The following METTL15 variants were observed in gnomAD, a reference collection of about 807,000 sequenced individuals.
The protein encoded by METTL15 is methyltransferase 15, mitochondrial 12S rRNA N4-cytidine.
In METTL15, 34 loss-of-function variants were observed where a neutral mutation model predicts 38.3. The ratio of observed to expected loss-of-function variants is 0.89; its 90% CI spans 0.68 to 1.18. The LOEUF (loss-of-function observed/expected upper bound fraction) is 1.18. Ranked by LOEUF, METTL15 falls within the 50% of genes most tolerant of loss-of-function variation. The pLI, the probability that METTL15 is intolerant of heterozygous loss-of-function variation, is 0.00. For synonymous variants in METTL15, 162 were observed against 170.9 expected (o/e 0.95, Z 0.41); for missense variants, 438 against 498.4 (o/e 0.88, Z 1.15).
intron 2 of METTL15, 40 bp from the exon 3 acceptor site, chr11:28,113,278 T>TA (rs1234593809): frequency 1.7e-5 from 23 of 1,356,172 alleles, no homozygotes; most frequent in Non-Finnish European, 2.3e-5. Context: ...AACATTCTTT[T>TA]AAAAAAATCC....
chr11:28,418,642 G>T (rs1590367733), intron 5 of METTL15, among the ~76,000 whole-genome samples: 1 of 152,114 alleles, frequency 6.6e-6, no homozygotes, highest in Non-Finnish European at 1.5e-5. Context: ...ACAGTACCTG[G>T]TTTTAGCTTT....
At chr11:28,502,374 A>G (rs997817766) in intron 6 of METTL15, among the ~76,000 whole-genome samples, 3 of 152,190 alleles carry the variant, frequency 2.0e-5, no homozygotes, top group Admixed American at 6.5e-5. Context: ...CCCTTGTAGC[A>G]TGGAAGAAGC....
At chr11:28,504,383 A>G (rs1464489322) in intron 6 of METTL15, among the ~76,000 whole-genome samples, 1 of 152,168 alleles carries the variant, frequency 6.6e-6, no homozygotes, top group Non-Finnish European at 1.5e-5. Context: ...AATTCATTTT[A>G]AGATAATTGT....
intron 4 of METTL15, among the ~76,000 whole-genome samples, chr11:28,249,614 A>T: frequency 6.6e-6 from 1 of 151,938 alleles, no homozygotes; most frequent in South Asian, 2.1e-4. Context: ...ATCACTAAAG[A>T]GTTAATGCTT....
chr11:28,267,688 A>G (rs540932701), intron 4 of METTL15, among the ~76,000 whole-genome samples: 1 of 152,218 alleles, frequency 6.6e-6, no homozygotes, highest in African/African-American at 2.4e-5. Flanking sequence ...TGTCTTCTCT[A>G]CGTATACCAA....
intron 3 of METTL15, among the ~76,000 whole-genome samples, chr11:28,346,757 G>T (rs1051640590): frequency 2.0e-5 from 3 of 151,986 alleles, no homozygotes; most frequent in African/African-American, 7.3e-5. Context: ...TTTATTTAAG[G>T]CATGTATAGT....
intron 3 of METTL15, among the ~76,000 whole-genome samples, chr11:28,351,547 T>C (rs1402267137): frequency 1.3e-5 from 2 of 152,248 alleles, no homozygotes; most frequent in Non-Finnish European, 1.5e-5. Context: ...AATGAGTTAA[T>C]TCATGTGAGA....
chr11:28,529,324 T>G (rs1332012863), downstream of METTL15, among the ~76,000 whole-genome samples: 1 of 152,152 alleles, frequency 6.6e-6, no homozygotes, highest in South Asian at 2.1e-4. Context: ...GGGCAGAAGC[T>G]CTGTCATCTG....
chr11:28,517,546 T>C (rs1206421849), intron 6 of METTL15, among the ~76,000 whole-genome samples: 3 of 152,164 alleles, frequency 2.0e-5, no homozygotes, highest in Non-Finnish European at 2.9e-5. Flanking sequence ...CCTTTAAAAA[T>C]AACAGCTTTC....
intron 4 of METTL15, among the ~76,000 whole-genome samples, chr11:28,221,661 G>A (rs899332816): frequency 6.6e-5 from 10 of 152,120 alleles, no homozygotes; most frequent in African/African-American, 2.2e-4. Flanking sequence ...TTTCTGCTCT[G>A]TTTTTTCCCC....
intron 6 of METTL15, among the ~76,000 whole-genome samples, chr11:28,443,242 C>T (rs1851049635): frequency 6.6e-6 from 1 of 152,164 alleles, no homozygotes; most frequent in Admixed American, 6.5e-5. Context: ...CTGATCATTC[C>T]CTTTGTGATT....
chr11:28,385,552 G>A (rs773269156), intron 5 of METTL15, among the ~76,000 whole-genome samples: 1 of 152,078 alleles, frequency 6.6e-6, no homozygotes, highest in Non-Finnish European at 1.5e-5. Context: ...TAGCCTTGTA[G>A]TATAGTTTCA....
At chr11:28,341,703 T>C (rs916445084) in intron 3 of METTL15, among the ~76,000 whole-genome samples, 1 of 152,214 alleles carries the variant, frequency 6.6e-6, no homozygotes, top group Non-Finnish European at 1.5e-5. Context: ...GTTACCGTTG[T>C]ACTAGTTTGT....
At chr11:28,398,028 G>T (rs1347133822) in intron 5 of METTL15, among the ~76,000 whole-genome samples, 2 of 151,864 alleles carry the variant, frequency 1.3e-5, no homozygotes, top group Non-Finnish European at 2.9e-5. Context: ...TCATAGATGG[G>T]AATTGAACAG....
At chr11:28,512,629 C>T (rs1474645881) in intron 6 of METTL15, among the ~76,000 whole-genome samples, 5 of 152,204 alleles carry the variant, frequency 3.3e-5, no homozygotes, top group Non-Finnish European at 1.5e-5. Flanking sequence ...ACTCTGAGTG[C>T]AGGGCCTGCC....
chr11:28,290,799 A>G (rs1172288780), intron 5 of METTL15, among the ~76,000 whole-genome samples: 1 of 151,734 alleles, frequency 6.6e-6, no homozygotes, highest in African/African-American at 2.4e-5. Context: ...CTCTTTTAGC[A>G]TACAGAAAAA....
chr11:28,496,156 A>T lies in METTL15; in HGVS notation c.*425-30322A>T, dbSNP rs184462446. On this transcript the variant is annotated intron_variant and NMD_transcript_variant, in intron 6 of 7. Transcript: ENST00000532947. ...AGATTGGTTAATTTACAAAAGAAAA[A>T]GGTTTAATGGACTCACAGTTCCACA... Among the ~76,000 whole-genome samples, 15 of 152,382 alleles carry T rather than the reference A, an allele frequency of 9.8e-5. No homozygotes were observed. In the East Asian group the frequency reaches 2.9e-3, roughly 29 times the overall value.
intron 5 of METTL15, among the ~76,000 whole-genome samples, chr11:28,406,937 A>C (rs1206236972): frequency 3.3e-5 from 5 of 152,164 alleles, no homozygotes; most frequent in African/African-American, 1.2e-4. Flanking sequence ...TGTCTATTGA[A>C]ATAATCAGGT....
intron 4 of METTL15, among the ~76,000 whole-genome samples, chr11:28,240,353 G>A (rs910417328): frequency 6.6e-6 from 1 of 152,236 alleles, no homozygotes; most frequent in Admixed American, 6.5e-5. Context: ...AATAATCAAG[G>A]ATTTTAACAT....
Sources: gnomAD v4.1 joint callset for allele counts (sites outside exome capture counted in the v4.1 genomes callset) on GRCh38, gnomAD v4.1.1 for gene constraint, MANE v1.5 for transcripts, NCBI Gene and HGNC (gene_info 2026-07-23, HGNC 2026-07-21) for gene names.